Variants in SETBP1 observed in about 807,000 individuals in gnomAD.
SETBP1 encodes SET-binding protein.
SETBP1 carries 9 observed loss-of-function variants against 101.0 expected under a neutral mutation model. The observed-to-expected ratio is 0.09, with a 90% CI of 0.05 to 0.16. The LOEUF is 0.16. Ranked by LOEUF, SETBP1 falls within the 10% of genes least tolerant of loss-of-function variation. The probability of loss-of-function intolerance (pLI) is 1.00; values close to 1 mark genes in which losing one functional copy is unlikely to be tolerated. For synonymous variants in SETBP1, 818 were observed against 788.5 expected (o/e 1.04, Z -0.63); for missense variants, 1,858 against 2,033.8 (o/e 0.91, Z 1.66).
chr18:44,812,452 G>GA (rs1304437853), intron 2 of SETBP1, among the ~76,000 whole-genome samples: 2 of 152,014 alleles, frequency 1.3e-5, no homozygotes, highest in African/African-American at 4.8e-5. Flanking sequence ...AAGAGAGCAA[G>GA]AAAAAAATGT....
intron 2 of SETBP1, 99 bp downstream of exon 2, chr18:44,701,931 T>A (rs1743031377): frequency 7.3e-7 from 1 of 1,376,458 alleles, no homozygotes; most frequent in Admixed American, 2.1e-5. Flanking sequence ...TATTTGACTC[T>A]AGAACAACGT....
At chr18:44,859,223 G>C (rs1334508789) in intron 2 of SETBP1, among the ~76,000 whole-genome samples, 1 of 152,164 alleles carries the variant, frequency 6.6e-6, no homozygotes, top group Non-Finnish European at 1.5e-5. Flanking sequence ...AAGTCAGCTT[G>C]AGTTTAGAAA....
chr18:44,838,741 C>T (rs1261904152), intron 2 of SETBP1, among the ~76,000 whole-genome samples: 11 of 152,174 alleles, frequency 7.2e-5, no homozygotes, highest in African/African-American at 2.7e-4. Context: ...TTCTTGAATG[C>T]ACGTGAGCAA....
intron 3 of SETBP1, among the ~76,000 whole-genome samples, chr18:44,944,927 A>C (rs2071168300): frequency 6.6e-6 from 1 of 152,174 alleles, no homozygotes; most frequent in Admixed American, 6.5e-5. Context: ...TTACTCAGTG[A>C]TCTAATTTTG....
intron 2 of SETBP1, among the ~76,000 whole-genome samples, chr18:44,713,773 TAGTC>T (rs556967358): frequency 1.1e-3 from 174 of 152,348 alleles, no homozygotes; most frequent in Middle Eastern, 3.4e-3. Context: ...TCACATCCGA[TAGTC>T]AGTCGATTCT....
At chr18:44,989,009 C>A (rs910826815) in intron 4 of SETBP1, 1 of 152,044 alleles carries the variant, frequency 6.6e-6, no homozygotes, top group African/African-American at 2.4e-5. Context: ...CACTTAGTAA[C>A]CATGACTCAA....
intron 2 of SETBP1, among the ~76,000 whole-genome samples, chr18:44,768,584 A>G (rs2070808703): frequency 1.3e-5 from 2 of 152,194 alleles, no homozygotes; most frequent in Admixed American, 1.3e-4. Context: ...TTTTTTTCAT[A>G]TTCACCAAGA....
chr18:44,888,632 T>C (rs547549515), intron 3 of SETBP1, among the ~76,000 whole-genome samples: 1 of 152,292 alleles, frequency 6.6e-6, no homozygotes, highest in South Asian at 2.1e-4. Context: ...CTCTCTATTA[T>C]GTGAATCCTC....
chr18:44,696,269 G>A (rs1037877898), intron 1 of SETBP1, among the ~76,000 whole-genome samples: 3 of 152,140 alleles, frequency 2.0e-5, no homozygotes, highest in Non-Finnish European at 2.9e-5. Flanking sequence ...ATACCCTCAT[G>A]TACTCAATAA....
rs149036780 is a variant in SETBP1, at chr18:45,005,803, C to T, written c.4001-32682C>T. Among the ~76,000 whole-genome samples, 638 of 150,806 alleles carry T rather than the reference C, an allele frequency of 4.2e-3. 7 individuals carry two copies. Among genetic ancestry groups the T allele is most frequent in the African/African-American group, 0.015 (614 of 41,060 alleles). On this transcript the variant is annotated intron_variant, in intron 4 of 5. Transcript: ENST00000649279. ...CTGGGACTACAGGCGCCTGCCACCA[C>T]GCCCGGCTAATTTTTTGTATTTTTA... is the stretch of plus-strand genomic sequence containing the variant.
chr18:44,856,146 T>C (rs1348854440), intron 2 of SETBP1, among the ~76,000 whole-genome samples: 1 of 151,642 alleles, frequency 6.6e-6, no homozygotes, highest in African/African-American at 2.4e-5. Flanking sequence ...AATTAGTTCC[T>C]GCTCCCCAGA....
chr18:44,908,210 A>T (rs1466782709), intron 3 of SETBP1, among the ~76,000 whole-genome samples: 1 of 151,888 alleles, frequency 6.6e-6, no homozygotes, highest in African/African-American at 2.4e-5. Context: ...ACAGGCGCCC[A>T]CCACCATGCT....
intron 3 of SETBP1, among the ~76,000 whole-genome samples, chr18:44,894,241 T>C (rs2069839882): frequency 6.6e-6 from 1 of 152,192 alleles, no homozygotes; most frequent in African/African-American, 2.4e-5. Flanking sequence ...GGTACTCTCT[T>C]TTTCTGAGTG....
intron 3 of SETBP1, among the ~76,000 whole-genome samples, chr18:44,903,066 AC>A (rs1430534065): frequency 2.0e-5 from 3 of 152,166 alleles, no homozygotes; most frequent in Non-Finnish European, 4.4e-5. Context: ...AGGAAGCATG[AC>A]CATCCACTGC....
chr18:44,754,792 C>T (rs2070457808), intron 2 of SETBP1, among the ~76,000 whole-genome samples: 1 of 152,252 alleles, frequency 6.6e-6, no homozygotes, highest in Non-Finnish European at 1.5e-5. Context: ...ATCTCACCTT[C>T]ATGCATCTGT....
intron 2 of SETBP1, among the ~76,000 whole-genome samples, chr18:44,777,562 T>C (rs960789089): frequency 2.6e-5 from 4 of 152,146 alleles, no homozygotes; most frequent in African/African-American, 9.7e-5. Flanking sequence ...TGCACCTGTA[T>C]ATCTCTGGCT....
intron 2 of SETBP1, among the ~76,000 whole-genome samples, chr18:44,711,110 C>T (rs2069329607): frequency 6.6e-6 from 1 of 152,180 alleles, no homozygotes; most frequent in Non-Finnish European, 1.5e-5. Context: ...CAAGCTGAGG[C>T]CGCCATCTGA....
chr18:44,958,299 A>G (rs2071536132), intron 4 of SETBP1, among the ~76,000 whole-genome samples: 1 of 152,194 alleles, frequency 6.6e-6, no homozygotes, highest in Non-Finnish European at 1.5e-5. Context: ...ATATTAATCT[A>G]TGAGACTCAT....
rs566786918 is a variant in SETBP1, at chr18:44,981,182, C to T, written c.4000+27842C>T. Reference sequence around the variant, plus strand: ...GATCTTCAAGGCCCTCAATTCCAGCCGTAACATCCTGTGAATCCCTGAGGC... The same window carrying T: ...GATCTTCAAGGCCCTCAATTCCAGCTGTAACATCCTGTGAATCCCTGAGGC... On this transcript the variant is annotated intron_variant, in intron 4 of 5. Transcript: ENST00000649279. 2.0e-5 allele frequency among the ~76,000 whole-genome samples: 3 copies of T among 152,316 alleles called. 1 individual carries two copies. Among genetic ancestry groups the T allele is most frequent in the African/African-American group, 4.8e-5 (2 of 41,570 alleles).
Sources: allele counts gnomAD v4.1 joint callset (sites outside exome capture counted in the v4.1 genomes callset), GRCh38; gene constraint gnomAD v4.1.1; transcripts MANE v1.5; gene names NCBI Gene and HGNC (gene_info 2026-07-23, HGNC 2026-07-21).